PTGS1: variants seen among roughly 807,000 people sequenced by gnomAD.
PTGS1 encodes the protein prostaglandin G/H synthase 1.
In PTGS1, 40 loss-of-function variants were observed where a neutral mutation model predicts 63.0. The ratio of observed to expected loss-of-function variants is 0.63; its 90% CI spans 0.49 to 0.83. PTGS1 has a LOEUF of 0.83. PTGS1 is among the 40% of genes least tolerant of loss of function. The pLI is 0.00. For synonymous variants in PTGS1, 298 were observed against 301.9 expected (o/e 0.99, Z 0.13); for missense variants, 709 against 786.5 (o/e 0.90, Z 1.18).
At position 122,381,722 on chromosome 9, in the gene PTGS1, T is replaced by A. The variant is rs931337125; in HGVS notation, c.737T>A (p.Phe246Tyr). ...GAGCGTCAGTATCAACTGCGGCTCTTTAAGGATGGGAAACTCAAGTACCAG... is the reference window on the plus strand; with the variant it reads ...GAGCGTCAGTATCAACTGCGGCTCTATAAGGATGGGAAACTCAAGTACCAG... Reference protein sequence around the residue: ...NLERQYQLRLFKDGKLKYQVL... With the variant: ...NLERQYQLRLYKDGKLKYQVL... Residue 246 changes from phenylalanine to tyrosine, a missense_variant, in exon 7 of 11, where the codon TTT (phenylalanine) becomes TAT (tyrosine). Phe to Tyr is a conservative substitution (Grantham distance 22). Coordinates refer to ENST00000362012, the MANE Select transcript of PTGS1 (RefSeq NM_000962.4). 2 of 1,613,674 alleles carry A rather than the reference T, an allele frequency of 1.2e-6. No homozygotes were observed. The highest frequency in any genetic ancestry group is 1.3e-5 in the African/African-American group (1 of 74,694).
At chr9:122,372,756 T>C (rs1322246327) in intron 2 of PTGS1, 3 of 152,306 alleles carry the variant, frequency 2.0e-5, no homozygotes, top group African/African-American at 7.2e-5. Flanking sequence ...CAATGAGCCA[T>C]GGTCTGTGCT....
chr9:122,373,520 C>A (rs1024881446), intron 2 of PTGS1, among the ~76,000 whole-genome samples: 2 of 152,134 alleles, frequency 1.3e-5, no homozygotes, highest in Non-Finnish European at 2.9e-5. Context: ...GCCGGGGGCG[C>A]CCTGAATGCT....
At chr9:122,390,464 T>G in intron 10 of PTGS1, 119 bp downstream of exon 10, 1 of 1,199,170 alleles carries the variant, frequency 8.3e-7, no homozygotes, top group Non-Finnish European at 1.2e-6. Flanking sequence ...ACCAGACTTA[T>G]AATGGGCGTG....
At position 122,384,193 on chromosome 9, in the gene PTGS1, A is replaced by G. The variant is rs3119774; in HGVS notation, c.1009+438A>G. 7.3e-3 allele frequency among the ~76,000 whole-genome samples: 1,118 copies of G among 152,210 alleles called. 6 individuals carry two copies. Among genetic ancestry groups the G allele is most frequent in the Non-Finnish European group, 0.012 (829 of 68,006 alleles). ...TCTTCATGTTCCCTTCCCTGCATGT[A>G]TCTACCTTCCTGCAGTTTGGTAGCT... On this transcript the variant is annotated intron_variant, in intron 8 of 10. Transcript: ENST00000362012.
In PTGS1 at chr9:122,377,975, C is replaced by T. The variant is rs201078942; in HGVS notation, c.171C>T (p.Asp57=). 8 of 1,613,958 alleles carry T rather than the reference C, an allele frequency of 5.0e-6. No homozygotes were observed. Among genetic ancestry groups the T allele is most frequent in the East Asian group, 2.2e-5 (1 of 44,882 alleles). Residue 57 remains aspartate, a synonymous_variant, in exon 3 of 11, where the codon GAC becomes GAT. Transcript: ENST00000362012. Reference sequence around the variant, plus strand: ...TCGGCCTTGACCGCTACCAGTGTGACTGCACCCGCACGGGCTATTCCGGCC... The same window carrying T: ...TCGGCCTTGACCGCTACCAGTGTGATTGCACCCGCACGGGCTATTCCGGCC... ...VRFGLDRYQC[D]CTRTGYSGPN...
At position 122,381,291 on chromosome 9, in the gene PTGS1, T is replaced by C. The variant is rs1837495886; in HGVS notation, c.497-80T>C. On this transcript the variant is annotated intron_variant, in intron 5 of 10. Coordinates refer to ENST00000362012, the MANE Select transcript of PTGS1 (RefSeq NM_000962.4). ...CTCTGGGCTTCCTGCTTGGGCCAGT[T>C]TGCCTGGTGAGCCCAGATGTCCCCA... The C allele has an allele frequency of 4.1e-6, 6 of 1,474,806 alleles. 1 individual carries two copies. The South Asian group carries it at 8.0e-5, about 20-fold the overall frequency. 91.4% of individuals were successfully genotyped at this position (1,474,806 alleles called of 1,614,324 possible). A position where few individuals can be genotyped will look rare whatever the true frequency, so the allele number is the denominator to read the frequency against.
intron 8 of PTGS1, among the ~76,000 whole-genome samples, chr9:122,384,872 C>T (rs568589012): frequency 2.0e-5 from 3 of 152,304 alleles, no homozygotes; most frequent in Non-Finnish European, 2.9e-5. Flanking sequence ...ATGGACACCC[C>T]GTCTTATGCC....
intron 10 of PTGS1, among the ~76,000 whole-genome samples, chr9:122,390,678 A>G (rs1838165551): frequency 6.6e-6 from 1 of 152,096 alleles, no homozygotes; most frequent in African/African-American, 2.4e-5. Context: ...CGGGTGGATC[A>G]CGAGGTCAGG....
chr9:122,378,319 A>C, intron 3 of PTGS1, 114 bp from the exon 4 acceptor site: 1 of 1,421,290 alleles, frequency 7.0e-7, no homozygotes, highest in Non-Finnish European at 9.7e-7. Flanking sequence ...CCACTTCCCC[A>C]TAGGTGCTAC....
intron 5 of PTGS1, among the ~76,000 whole-genome samples, chr9:122,379,639 A>G (rs893896580): frequency 1.5e-4 from 23 of 152,212 alleles, no homozygotes; most frequent in African/African-American, 5.5e-4. Context: ...GTTTTCCATC[A>G]TATGGTTAGC....
At chr9:122,374,010 T>C (rs1251258518) in intron 2 of PTGS1, among the ~76,000 whole-genome samples, 1 of 152,172 alleles carries the variant, frequency 6.6e-6, no homozygotes, top group Non-Finnish European at 1.5e-5. Context: ...GCCTGTCCCC[T>C]AGTCACGCTC....
intron 2 of PTGS1, 141 bp from the exon 3 acceptor site, chr9:122,377,758 C>T: frequency 1.4e-6 from 1 of 710,680 alleles, no homozygotes. Context: ...TGGGGGAACC[C>T]TGAAGCCCTG....
At chr9:122,375,968 GCTGGGCAGTGGGTGCTACAGGGGCTC>G (rs1165955783) in intron 2 of PTGS1, among the ~76,000 whole-genome samples, 1 of 152,166 alleles carries the variant, frequency 6.6e-6, no homozygotes, top group Non-Finnish European at 1.5e-5. Flanking sequence ...AGGGTTGGGA[GCTGGGCAGTGGGTGCTACAGGGGCTC>G]CTGGGCAGGT....
chr9:122,383,742 C>T lies in PTGS1; in HGVS notation c.996C>T (p.Arg332=). ...ATGAGCAGCTTTTCCAGACGACCCG[C>T]CTCATCCTCATAGGTGAGGACTCCA... ...WGDEQLFQTT[R]LILIGETIKI... The change falls in exon 8 of 11, where the codon CGC becomes CGT. Residue 332 remains arginine (R), a synonymous_variant. Coordinates refer to ENST00000362012, the MANE Select transcript of PTGS1 (RefSeq NM_000962.4). 1 of 1,610,810 alleles carries T rather than the reference C, an allele frequency of 6.2e-7. No individual in the cohort carries two copies. The highest frequency in any genetic ancestry group is 8.5e-7 in the Non-Finnish European group (1 of 1,179,884).
At position 122,377,902 on chromosome 9, in the gene PTGS1, A is replaced by G; in HGVS notation, c.98A>G (p.Asn33Ser). 6.2e-7 allele frequency: 1 copy of G among 1,613,764 alleles called. No homozygotes were observed. Among genetic ancestry groups the G allele is most frequent in the Non-Finnish European group, 8.5e-7 (1 of 1,179,772 alleles). ...LADPGAPTPVNPCCYYPCQHQ... is the reference protein window; with the variant it reads ...LADPGAPTPVSPCCYYPCQHQ... Reference sequence around the variant, plus strand: ...GACCTCCATTTCTCACCCACAGTGAATCCCTGTTGTTACTATCCATGCCAG... The same window carrying G: ...GACCTCCATTTCTCACCCACAGTGAGTCCCTGTTGTTACTATCCATGCCAG... Residue 33 changes from asparagine (N) to serine (S), a missense_variant, in exon 3 of 11, where the codon AAT becomes AGT. Physicochemically the swap from Asn to Ser is conservative, Grantham distance 46. Transcript: ENST00000362012.
chr9:122,389,438 A>C (rs1452670883), intron 9 of PTGS1, among the ~76,000 whole-genome samples: 1 of 151,770 alleles, frequency 6.6e-6, no homozygotes, highest in East Asian at 2.0e-4. Flanking sequence ...GGCACAAGCC[A>C]CTGTGCCTGG....
At chr9:122,371,850 C>A in intron 2 of PTGS1, 1 of 1,499,420 alleles carries the variant, frequency 6.7e-7, no homozygotes, top group Non-Finnish European at 9.0e-7. Context: ...TGCCATGATT[C>A]CCCAAGCTCA....
At chr9:122,377,845 G>A in intron 2 of PTGS1, 54 bp from the exon 3 acceptor site, 1 of 1,477,906 alleles carries the variant, frequency 6.8e-7, no homozygotes. Flanking sequence ...GGGGCTAGAT[G>A]GGGGTCAGGA....
rs5788 is a variant in PTGS1, at chr9:122,381,513, C to A, written c.639C>A (p.Gly213=). The change falls in exon 6 of 11, where the codon GGC becomes GGA. Residue 213 remains glycine (G), a synonymous_variant. Transcript: ENST00000362012. ...HFTHQFFKTS[G]KMGPGFTKAL... is the part of the protein sequence containing the mutation. The stretch of plus-strand genomic sequence containing the variant: ...CCCACCAGTTCTTCAAAACTTCTGG[C>A]AAGATGGGTCCTGGCTTCACCAAGG... The A allele has an allele frequency of 0.15, 241,080 of 1,613,884 alleles. 27,432 individuals are homozygous for A. Among genetic ancestry groups the A allele is most frequent in the African/African-American group, 0.6 (45,304 of 74,910 alleles).
Sources: allele counts gnomAD v4.1 joint callset (sites outside exome capture counted in the v4.1 genomes callset), GRCh38; gene constraint gnomAD v4.1.1; transcripts MANE v1.5; gene names NCBI Gene and HGNC (gene_info 2026-07-23, HGNC 2026-07-21).